KIF13A: variants seen among roughly 807,000 people sequenced by gnomAD.
KIF13A encodes the protein kinesin-like protein KIF13A.
A neutral mutation model predicts 212.2 loss-of-function variants in KIF13A; 79 were observed. The observed-to-expected ratio is 0.37, with a 90% confidence interval of 0.31 to 0.45. KIF13A has a LOEUF of 0.45. KIF13A is among the 20% of genes least tolerant of loss of function. The pLI is 1.00. For synonymous variants in KIF13A, 789 were observed against 808.6 expected (o/e 0.98, Z 0.41); for missense variants, 1,901 against 2,209.0 (o/e 0.86, Z 2.79).
chr6:17,942,354 ATATATTTC>A (rs1777027474), intron 2 of KIF13A, among the ~76,000 whole-genome samples: 1 of 146,312 alleles, frequency 6.8e-6, no homozygotes, highest in Non-Finnish European at 1.5e-5. Context: ...ATATATATAT[ATATATTTC>A]TGTTCATTGA....
In KIF13A at chr6:17,898,086, G is replaced by A. The variant is rs1469907481; in HGVS notation, c.159+82C>T. The A allele has an allele frequency of 7.6e-7, 1 of 1,310,866 alleles. No individual in the cohort carries two copies. The highest frequency in any genetic ancestry group is 2.3e-5 in the East Asian group (1 of 42,630). 81.2% of individuals were successfully genotyped at this position (1,310,866 alleles called of 1,614,324 possible). On this transcript the variant is annotated intron_variant, in intron 3 of 38. Transcript: ENST00000259711. This position sits in a 1 kb window ranked among gnomAD's most constrained non-coding sequence, Gnocchi z 5.2. ...GTTTTCAGTTCTCAATGAGACAGATGTTCTACATGGGTTACAGTGATAAAT... is the reference window on the plus strand; with the variant it reads ...GTTTTCAGTTCTCAATGAGACAGATATTCTACATGGGTTACAGTGATAAAT...
At chr6:17,766,551 T>A (rs1358436058) in intron 38 of KIF13A, among the ~76,000 whole-genome samples, 4 of 152,034 alleles carry the variant, frequency 2.6e-5, no homozygotes, top group East Asian at 1.9e-4. Context: ...ATTTATTTAT[T>A]TTTATTTATT....
chr6:17,807,592 C>T (rs1763076723), intron 18 of KIF13A, among the ~76,000 whole-genome samples: 1 of 144,860 alleles, frequency 6.9e-6, no homozygotes, highest in Non-Finnish European at 1.6e-5. Context: ...ATCAGTGGTT[C>T]TCCTTTTGCC....
chr6:17,764,327 GA>G lies in KIF13A; in HGVS notation c.5200del (p.Ser1734LeufsTer17). The stretch of plus-strand genomic sequence containing the variant: ...TGACACTCCCATAAATTCTGTGAAA[GA>G]ATGGTCTTCAAGGATGTTGGTGGTG... ...EHTTNILEDH[S>X]FTEFMGVSEG... On this transcript the variant is annotated frameshift_variant, in exon 39 of 39. Transcript: ENST00000259711. LOFTEE classifies it low-confidence loss of function (END_TRUNC). The surrounding 1 kb of genome is among the most constrained non-coding windows in gnomAD (Gnocchi z 5.1). 6.2e-7 allele frequency: 1 copy of G among 1,613,982 alleles called. No homozygotes were observed. The highest frequency in any genetic ancestry group is 8.5e-7 in the Non-Finnish European group (1 of 1,179,894).
At chr6:17,927,789 G>A (rs1405466279) in intron 2 of KIF13A, among the ~76,000 whole-genome samples, 1 of 152,318 alleles carries the variant, frequency 6.6e-6, no homozygotes, top group Admixed American at 6.5e-5. Context: ...CAATGGGATG[G>A]TGAGGATATG....
At position 17,883,303 on chromosome 6, in the gene KIF13A, T is replaced by C. The variant is rs1048389584; in HGVS notation, c.160-9866A>G. On this transcript the variant is annotated intron_variant, in intron 3 of 38. Coordinates refer to ENST00000259711, the MANE Select transcript of KIF13A (RefSeq NM_022113.6). The surrounding 1 kb of genome is among the most constrained non-coding windows in gnomAD (Gnocchi z 4.8). ...TTAAGCCTGCAGTGAGCTGTGATCA[T>C]GTCACTGCACTCCAGCCTGGGTCAC... 6.6e-6 allele frequency among the ~76,000 whole-genome samples: 1 copy of C among 152,228 alleles called. No individual in the cohort carries two copies. Among genetic ancestry groups the C allele is most frequent in the Non-Finnish European group, 1.5e-5 (1 of 68,022 alleles).
At chr6:17,805,922 A>AT (rs58290591) in intron 18 of KIF13A, among the ~76,000 whole-genome samples, 28,430 of 139,070 alleles carry the variant, frequency 0.2, 3,139 homozygotes, top group Admixed American at 0.28. Context: ...CATAAGCACG[A>AT]TTTTTTTTTT....
chr6:17,924,067 T>A (rs190911814), intron 2 of KIF13A, among the ~76,000 whole-genome samples: 4 of 152,256 alleles, frequency 2.6e-5, no homozygotes, highest in African/African-American at 9.6e-5. Context: ...AAAATACATA[T>A]GTACAAGACT....
chr6:17,819,423 C>T lies in KIF13A; in HGVS notation c.1787-2190G>A, dbSNP rs1764241226. 2.0e-5 allele frequency among the ~76,000 whole-genome samples: 3 copies of T among 151,950 alleles called. No homozygotes were observed. In the South Asian group the frequency reaches 6.3e-4, roughly 32 times the overall value. On this transcript the variant is annotated intron_variant, in intron 16 of 38. Transcript: ENST00000259711. ...ACTAAAAACACAAAAACTAGTCAGG[C>T]GTGGTGGCATGTGCCTGTAGTCCCA...
In KIF13A at chr6:17,773,369, T is replaced by C. The variant is rs868349133; in HGVS notation, c.4324+109A>G. The C allele has an allele frequency of 1.7e-6, 1 of 581,700 alleles. No individual in the cohort carries two copies. Among genetic ancestry groups the C allele is most frequent in the South Asian group, 2.5e-5 (1 of 39,562 alleles). 36.0% of individuals were successfully genotyped at this position (581,700 alleles called of 1,614,324 possible). A position where few individuals can be genotyped will look rare whatever the true frequency, so the allele number is the denominator to read the frequency against. On this transcript the variant is annotated intron_variant, in intron 36 of 38. Transcript: ENST00000259711. The surrounding 1 kb of genome is among the most constrained non-coding windows in gnomAD (Gnocchi z 4.2). Reference sequence around the variant, plus strand: ...AACAGTTTTGTATCATCTAGTTAACTAGAATATCAGCTTCATATCTTATTA... The same window carrying C: ...AACAGTTTTGTATCATCTAGTTAACCAGAATATCAGCTTCATATCTTATTA...
intron 2 of KIF13A, among the ~76,000 whole-genome samples, chr6:17,903,989 C>G (rs1381199308): frequency 6.7e-6 from 1 of 149,466 alleles, no homozygotes; most frequent in Non-Finnish European, 1.5e-5. Context: ...CCCATCTTTA[C>G]TAAAAATAAA....
Position 17,971,640 on chromosome 6 carries a change from G to C in KIF13A, c.146+15414C>G, listed in dbSNP as rs1413796212. On this transcript the variant is annotated intron_variant, in intron 2 of 38. Coordinates refer to ENST00000259711, the MANE Select transcript of KIF13A (RefSeq NM_022113.6). This position sits in a 1 kb window ranked among gnomAD's most constrained non-coding sequence, Gnocchi z 4.2. Reference sequence around the variant, plus strand: ...GGGTTTTGTCATGTTGCCCAGGCTGGTCTCAAGCTCCTGGGCCCAAGCGAT... The same window carrying C: ...GGGTTTTGTCATGTTGCCCAGGCTGCTCTCAAGCTCCTGGGCCCAAGCGAT... 3.9e-5 allele frequency among the ~76,000 whole-genome samples: 6 copies of C among 152,034 alleles called. No homozygotes were observed.
intron 2 of KIF13A, among the ~76,000 whole-genome samples, chr6:17,981,133 C>G (rs189956884): frequency 6.6e-6 from 1 of 151,112 alleles, no homozygotes; most frequent in African/African-American, 2.4e-5. Context: ...CAAGCTCTTA[C>G]TAACTAAACC....
chr6:17,967,236 G>A lies in KIF13A; in HGVS notation c.146+19818C>T, dbSNP rs1180797767. Among the ~76,000 whole-genome samples, 3 of 152,160 alleles carry A rather than the reference G, an allele frequency of 2.0e-5. No homozygotes were observed. The highest frequency in any genetic ancestry group is 4.4e-5 in the Non-Finnish European group (3 of 68,032). On this transcript the variant is annotated intron_variant, in intron 2 of 38. Coordinates refer to ENST00000259711, the MANE Select transcript of KIF13A (RefSeq NM_022113.6). The surrounding 1 kb of genome is among the most constrained non-coding windows in gnomAD (Gnocchi z 4.1). ...TTTTTAGATAGTGCTACCGCCTCAA[G>A]GCAATATGCAATTGCTGTGTTTTCA...
intron 38 of KIF13A, among the ~76,000 whole-genome samples, chr6:17,765,559 A>G (rs1479617867): frequency 6.6e-6 from 1 of 152,232 alleles, no homozygotes; most frequent in East Asian, 1.9e-4. Context: ...CAATCTGACA[A>G]TTACGGTCTT....
In KIF13A at chr6:17,951,313, T is replaced by C. The variant is rs1581829144; in HGVS notation, c.146+35741A>G. ...CAGCTAATTTTAAACAAATTTTTTG[T>C]AGAGATGGGGTTTTGCCATGTTGCA... On this transcript the variant is annotated intron_variant, in intron 2 of 38. Transcript: ENST00000259711. The surrounding 1 kb of genome is among the most constrained non-coding windows in gnomAD (Gnocchi z 4.9). 4.9e-6 allele frequency: 3 copies of C among 608,022 alleles called. No individual in the cohort carries two copies. The highest frequency in any genetic ancestry group is 8.8e-6 in the Non-Finnish European group (3 of 341,068). The allele number at this position is 608,022 out of a possible 1,614,324, so 37.7% of individuals were successfully genotyped here.
intron 2 of KIF13A, among the ~76,000 whole-genome samples, chr6:17,952,597 A>C (rs1014927462): frequency 2.0e-5 from 3 of 150,826 alleles, no homozygotes; most frequent in Admixed American, 6.6e-5. Context: ...TGACCACACC[A>C]CTCACTGCAC....
chr6:17,787,818 C>T lies in KIF13A; in HGVS notation c.3319G>A (p.Glu1107Lys). 6.2e-7 allele frequency: 1 copy of T among 1,613,522 alleles called. No individual in the cohort carries two copies. Residue 1107 changes from glutamate to lysine, a missense_variant, in exon 27 of 39, where the codon GAA becomes AAA. Physicochemically the swap from Glu to Lys is moderately conservative, Grantham distance 56 (BLOSUM62 1). Coordinates refer to ENST00000259711, the MANE Select transcript of KIF13A (RefSeq NM_022113.6). The surrounding 1 kb of genome is among the most constrained non-coding windows in gnomAD (Gnocchi z 4.6). ...TTTTTTATCTGTTCATCCAGGTATT[C>T]TCGTCGTTTAATGAGTGCATCTGAC... ...RWSDALIKRR[E>K]YLDEQIKKVS...
At chr6:17,791,369 CTT>C (rs757391141) in intron 25 of KIF13A, among the ~76,000 whole-genome samples, 56 of 135,490 alleles carry the variant, frequency 4.1e-4, no homozygotes, top group Admixed American at 6.8e-4. Context: ...GAGAATAATT[CTT>C]TTTTTTTTTT....
Sources: gnomAD v4.1 joint callset for allele counts (sites outside exome capture counted in the v4.1 genomes callset) on GRCh38, gnomAD v4.1.1 for gene constraint, Gnocchi (gnomAD v3.1) non-coding constraint, MANE v1.5 for transcripts, NCBI Gene and HGNC (gene_info 2026-07-23, HGNC 2026-07-21) for gene names.